Variants in ZNF814 observed in about 807,000 individuals in gnomAD.
ZNF814 encodes the protein zinc finger protein 814.
Under a neutral mutation model 7.5 loss-of-function variants are expected in ZNF814, and 5 were observed. The ratio of observed to expected loss-of-function variants is 0.67; its 90% CI spans 0.35 to 1.40. ZNF814 has a LOEUF of 1.40. ZNF814 is among the 40% of genes most tolerant of loss of function. The pLI is 0.04. For synonymous variants in ZNF814, 315 were observed against 340.7 expected (o/e 0.92, Z 0.83); for missense variants, 962 against 1,018.0 (o/e 0.94, Z 0.75).
the ZNF814 span, among the ~76,000 whole-genome samples, chr19:57,902,969 C>G: frequency 1.3e-5 from 2 of 152,156 alleles, no homozygotes; most frequent in South Asian, 4.1e-4. Context: ...GTGAGCCACC[C>G]CGCCAGGCCG....
the ZNF814 span, among the ~76,000 whole-genome samples, chr19:57,898,939 CAAAAAA>C: frequency 8.7e-5 from 8 of 91,972 alleles, no homozygotes; most frequent in East Asian, 2.2e-3. Flanking sequence ...GACTCTGTCT[CAAAAAA>C]AAAAAAAAAA....
chr19:57,897,856 C>G, the ZNF814 span, among the ~76,000 whole-genome samples: 1 of 152,162 alleles, frequency 6.6e-6, no homozygotes, highest in Admixed American at 6.5e-5. Context: ...TTGTTAGTTC[C>G]TCAACTCTGT....
Position 57,870,583 on chromosome 19 carries a change from A to G in ZNF814, c.*2239T>C, listed in dbSNP as rs1349886654. ...AACCTTTAGATTATTTCCTCTGACA[A>G]TGGCCTCAACAATACAATATTCATC... On this transcript the variant is annotated 3_prime_UTR_variant, in exon 3 of 3. Coordinates refer to ENST00000435989, the MANE Select transcript of ZNF814 (RefSeq NM_001144989.2). The G allele has an allele frequency of 6.6e-6, 1 of 152,222 alleles. No homozygotes were observed. The highest frequency in any genetic ancestry group is 2.4e-5 in the African/African-American group (1 of 41,454). 9.4% of individuals were successfully genotyped at this position (152,222 alleles called of 1,614,324 possible). A position where few individuals can be genotyped will look rare whatever the true frequency, so the allele number is the denominator to read the frequency against.
intron 1 of ZNF814, among the ~76,000 whole-genome samples, chr19:57,883,689 A>C (rs981933505): frequency 3.9e-5 from 6 of 151,956 alleles, no homozygotes; most frequent in Non-Finnish European, 8.8e-5. Flanking sequence ...AAAATGGATT[A>C]AAAAAGACTT....
intron 1 of ZNF814, among the ~76,000 whole-genome samples, chr19:57,883,861 G>A (rs1366978846): frequency 6.6e-6 from 1 of 151,676 alleles, no homozygotes; most frequent in South Asian, 2.1e-4. Flanking sequence ...AGGTTCAAGT[G>A]ATTCTCCTGC....
At position 57,874,189 on chromosome 19, in the gene ZNF814, C is replaced by G. The variant is rs1392551779; in HGVS notation, c.1201G>C (p.Val401Leu). The change falls in exon 3 of 3, where the codon GTT (valine) becomes CTT (leucine). Residue 401 changes from valine (V) to leucine (L), a missense_variant. Physicochemically the swap from Val to Leu is conservative, Grantham distance 32. Coordinates refer to ENST00000435989, the MANE Select transcript of ZNF814 (RefSeq NM_001144989.2). The stretch of plus-strand genomic sequence containing the variant: ...TCATAATGTTTTTTGTCAGTGTGAA[C>G]TCTCTGATGATTACTGAAGCTAGCA... Reference protein sequence around the residue: ...KYASFSNHQRVHTDKKHYECG... With the variant: ...KYASFSNHQRLHTDKKHYECG... 7.6e-6 allele frequency: 12 copies of G among 1,580,480 alleles called. No individual in the cohort carries two copies. Among genetic ancestry groups the G allele is most frequent in the African/African-American group, 2.7e-5 (2 of 73,486 alleles).
upstream of ZNF814, among the ~76,000 whole-genome samples, chr19:57,892,509 T>C (rs995971929): frequency 6.6e-6 from 1 of 152,170 alleles, no homozygotes; most frequent in Admixed American, 6.5e-5. Flanking sequence ...CTCAGTAAAG[T>C]CCCTCTTGGC....
rs752922935 is a variant in ZNF814 at position 57,872,736 on chromosome 19, A to T, written c.*86T>A. The T allele has an allele frequency of 4.3e-4, 695 of 1,607,248 alleles. No individual in the cohort carries two copies. The highest frequency in any genetic ancestry group is 5.6e-4 in the Non-Finnish European group (660 of 1,176,152). On this transcript the variant is annotated 3_prime_UTR_variant, in exon 3 of 3. Coordinates refer to ENST00000435989, the MANE Select transcript of ZNF814 (RefSeq NM_001144989.2). The stretch of plus-strand genomic sequence containing the variant: ...GTAGATGACTTCCCACAATCACTGC[A>T]TTCATATGGCCTTTCTCCAGTGTGA...
At position 57,874,107 on chromosome 19, in the gene ZNF814, C is replaced by G. The variant is rs181586135; in HGVS notation, c.1283G>C (p.Arg428Pro). ...ATAAGGTTTTTCTCCAGTGTGAAAT[C>G]GCTGATGTTGAATGAGGCTGCTCTT... is the stretch of plus-strand genomic sequence containing the variant. ...SQKSSLIQHQ[R>P]FHTGEKPYGC... The change falls in exon 3 of 3, where the codon CGA (arginine) becomes CCA (proline). Residue 428 changes from arginine to proline, a missense_variant. Physicochemically the swap from Arg to Pro is moderately radical, Grantham distance 103. Coordinates refer to ENST00000435989, the MANE Select transcript of ZNF814 (RefSeq NM_001144989.2). 31 of 1,601,056 alleles carry G rather than the reference C, an allele frequency of 1.9e-5. No homozygotes were observed. In the African/African-American group the frequency reaches 3.1e-4, roughly 16 times the overall value.
upstream of ZNF814, among the ~76,000 whole-genome samples, chr19:57,891,901 G>C (rs910195559): frequency 6.6e-6 from 1 of 151,948 alleles, no homozygotes; most frequent in African/African-American, 2.4e-5. Context: ...CTACAGGTGC[G>C]CACCACTATG....
At chr19:57,891,662 TAAC>T (rs926757352), upstream of ZNF814, among the ~76,000 whole-genome samples, 109 of 152,276 alleles carry the variant, frequency 7.2e-4, no homozygotes, top group African/African-American at 2.4e-3. Flanking sequence ...CCATCCTGGC[TAAC>T]AACAGGGTGA....
Position 57,872,996 on chromosome 19 carries a change from C to T in ZNF814, c.2394G>A (p.Lys798=). The T allele has an allele frequency of 1.2e-6, 2 of 1,613,952 alleles. No homozygotes were observed. Among genetic ancestry groups the T allele is most frequent in the Non-Finnish European group, 1.7e-6 (2 of 1,179,906 alleles). Residue 798 remains lysine (K), a synonymous_variant, in exon 3 of 3, where the codon AAG becomes AAA. Transcript: ENST00000435989. The stretch of plus-strand genomic sequence containing the variant: ...TTCCACATTCACTGCACTCATAAGG[C>T]TTTTCTCCAGTGTGAACTCTTTTGT... ...TKHKRVHTGE[K]PYECSECGKS...
At chr19:57,896,580 G>A in the ZNF814 span, among the ~76,000 whole-genome samples, 1 of 152,068 alleles carries the variant, frequency 6.6e-6, no homozygotes, top group Admixed American at 6.6e-5. This position sits in a 1 kb window ranked among gnomAD's most constrained non-coding sequence, Gnocchi z 4.2. Context: ...CTATTCAAAA[G>A]GCTAGAGCTG....
In ZNF814 at chr19:57,869,892, C is replaced by G. The variant is rs999544021; in HGVS notation, c.*2930G>C. ...CCTAGGAGGTAGAGGTTGCAATGAGCCAAGGTCATGCCACTGCACTCCAGC... is the reference window on the plus strand; with the variant it reads ...CCTAGGAGGTAGAGGTTGCAATGAGGCAAGGTCATGCCACTGCACTCCAGC... On this transcript the variant is annotated 3_prime_UTR_variant, in exon 3 of 3. Coordinates refer to ENST00000435989, the MANE Select transcript of ZNF814 (RefSeq NM_001144989.2). 1.3e-5 allele frequency: 2 copies of G among 149,908 alleles called. No homozygotes were observed. Among genetic ancestry groups the G allele is most frequent in the African/African-American group, 2.5e-5 (1 of 40,170 alleles). The allele number at this position is 149,908 out of a possible 1,614,324, so 9.3% of individuals were successfully genotyped here.
intron 1 of ZNF814, among the ~76,000 whole-genome samples, chr19:57,882,949 T>C (rs1423968604): frequency 1.3e-5 from 2 of 152,082 alleles, no homozygotes; most frequent in Non-Finnish European, 2.9e-5. Context: ...GAAACAGAGA[T>C]ACATGACCTT....
Position 57,874,669 on chromosome 19 carries a change from A to G in ZNF814, c.721T>C (p.Cys241Arg). 1 of 1,560,190 alleles carries G rather than the reference A, an allele frequency of 6.4e-7. No individual in the cohort carries two copies. The highest frequency in any genetic ancestry group is 8.7e-7 in the Non-Finnish European group (1 of 1,151,172). Reference protein sequence around the residue: ...QHQRLLTREECYVCCECGKSF... With the variant: ...QHQRLLTREERYVCCECGKSF... Reference sequence around the variant, plus strand: ...TTCCCACATTCACAGCACACATAACACTCTTCTCTAGTGAGCAGTCTCTGG... The same window carrying G: ...TTCCCACATTCACAGCACACATAACGCTCTTCTCTAGTGAGCAGTCTCTGG... Residue 241 changes from cysteine (C) to arginine (R), a missense_variant, in exon 3 of 3, where the codon TGT becomes CGT. Cys to Arg is a radical substitution (Grantham distance 180). Around this residue, in one of 7 missense-constraint regions of ZNF814, gnomAD observed 126 missense variants for 123.5 expected, o/e 1.02. Transcript: ENST00000435989.
At position 57,886,963 on chromosome 19, in the gene ZNF814, G is replaced by A. The variant is rs542786393; in HGVS notation, c.36+1804C>T. On this transcript the variant is annotated intron_variant, in intron 1 of 2. Coordinates refer to ENST00000435989, the MANE Select transcript of ZNF814 (RefSeq NM_001144989.2). The stretch of plus-strand genomic sequence containing the variant: ...AGCAAGTTGGGAGGCTGAGGCGGGC[G>A]GATCAGTTGAAGTCGGGAGTTTGAG... Among the ~76,000 whole-genome samples, 409 of 151,900 alleles carry A rather than the reference G, an allele frequency of 2.7e-3. 3 individuals are homozygous for A. The highest frequency in any genetic ancestry group is 2.0e-3 in the African/African-American group (83 of 41,390).
In ZNF814 at chr19:57,888,652, G is replaced by A; in HGVS notation, c.36+115C>T. The A allele has an allele frequency of 2.3e-6, 3 of 1,319,908 alleles. No individual in the cohort carries two copies. In the South Asian group the frequency reaches 3.9e-5, roughly 17 times the overall value. The allele number at this position is 1,319,908 out of a possible 1,614,324, so 81.8% of individuals were successfully genotyped here. A position where few individuals can be genotyped will look rare whatever the true frequency, so the allele number is the denominator to read the frequency against. ...CAGAAATGGGGCCCCTCCCGCAAGC[G>A]CCTCAGTGTCCCAACGCCGGCGTCC... On this transcript the variant is annotated intron_variant, in intron 1 of 2. Coordinates refer to ENST00000435989, the MANE Select transcript of ZNF814 (RefSeq NM_001144989.2).
At chr19:57,878,057 T>C (rs1367664710) in intron 1 of ZNF814, among the ~76,000 whole-genome samples, 1 of 150,744 alleles carries the variant, frequency 6.6e-6, no homozygotes, top group Non-Finnish European at 1.5e-5. Context: ...TCCCAGCTAC[T>C]TGGGAGGCTG....
Sources: gnomAD v4.1 joint callset for allele counts (sites outside exome capture counted in the v4.1 genomes callset) on GRCh38, gnomAD v4.1.1 for gene constraint, gnomAD v4.1.1 regional missense constraint, Gnocchi (gnomAD v3.1) non-coding constraint, MANE v1.5 for transcripts, NCBI Gene and HGNC (gene_info 2026-07-23, HGNC 2026-07-21) for gene names.